The following FNDC3A variants were observed in gnomAD, a reference collection of about 807,000 sequenced individuals.
FNDC3A encodes fibronectin type III domain containing 3A.
In FNDC3A, 32 loss-of-function variants were observed where a neutral mutation model predicts 148.9. The ratio of observed to expected loss-of-function variants is 0.21; its 90% CI spans 0.16 to 0.29. The LOEUF (loss-of-function observed/expected upper bound fraction) is 0.29. Ranked by LOEUF, FNDC3A falls within the 10% of genes least tolerant of loss-of-function variation. The pLI is 1.00. For synonymous variants in FNDC3A, 472 were observed against 473.6 expected (o/e 1.00, Z 0.04); for missense variants, 1,191 against 1,452.8 (o/e 0.82, Z 2.93).
rs2138095931 is a variant in FNDC3A, at chr13:49,187,330, T to G, written c.1825+140T>G. The G allele has an allele frequency of 3.0e-5, 26 of 865,734 alleles. 1 individual carries two copies. In the South Asian group the frequency reaches 4.1e-4, roughly 14 times the overall value. 53.6% of individuals were successfully genotyped at this position (865,734 alleles called of 1,614,324 possible). A position where few individuals can be genotyped will look rare whatever the true frequency, so the allele number is the denominator to read the frequency against. ...CCATAAAAAGATGTTCACTTCACTT[T>G]GGGTTGTCCTGGATTTTTTTTTTTT... On this transcript the variant is annotated intron_variant, in intron 16 of 25. Coordinates refer to ENST00000492622, the MANE Select transcript of FNDC3A (RefSeq NM_001079673.2).
At chr13:49,016,674 A>G (rs1011340514) in intron 2 of FNDC3A, among the ~76,000 whole-genome samples, 26 of 151,854 alleles carry the variant, frequency 1.7e-4, no homozygotes, top group Non-Finnish European at 2.8e-4. Flanking sequence ...TGCTTTTCTA[A>G]TTCTTTTAAT....
In FNDC3A at chr13:49,095,748, A is replaced by G. The variant is rs1375697158; in HGVS notation, c.176-18907A>G. On this transcript the variant is annotated intron_variant, in intron 3 of 25. Transcript: ENST00000492622. The stretch of plus-strand genomic sequence containing the variant: ...TTTTTGATTCAGGGAAGTACTAATT[A>G]AGCATTCTAACCCAGGGGCAAACCT... Among the ~76,000 whole-genome samples, 6 of 152,062 alleles carry G rather than the reference A, an allele frequency of 3.9e-5. No homozygotes were observed. In the East Asian group the frequency reaches 1.2e-3, roughly 29 times the overall value.
chr13:49,187,132 A>G lies in FNDC3A; in HGVS notation c.1767A>G (p.Lys589=). 6.2e-7 allele frequency: 1 copy of G among 1,612,496 alleles called. No individual in the cohort carries two copies. Among genetic ancestry groups the G allele is most frequent in the Non-Finnish European group, 8.5e-7 (1 of 1,178,822 alleles). Residue 589 remains lysine (K), a synonymous_variant, in exon 16 of 26, where the codon AAA becomes AAG. Transcript: ENST00000492622. ...TGCTTCTTTGGATAGATCCACCAAA[A>G]GACAATGGCGGAGCAACCATCAATA... ...HSFKITWDPP[K]DNGGATINKY...
intron 4 of FNDC3A, among the ~76,000 whole-genome samples, chr13:49,116,339 C>T (rs1880955574): frequency 6.6e-6 from 1 of 152,126 alleles, no homozygotes. Context: ...TGAATTCTTA[C>T]AGTTCCTATG....
chr13:49,116,045 C>T (rs746400370), intron 4 of FNDC3A, among the ~76,000 whole-genome samples: 28 of 152,204 alleles, frequency 1.8e-4, no homozygotes, highest in Non-Finnish European at 4.0e-4. Context: ...AGTGGCACCA[C>T]GTACTGAGCT....
chr13:49,001,835 C>T (rs1952130808), intron 1 of FNDC3A, among the ~76,000 whole-genome samples: 1 of 152,174 alleles, frequency 6.6e-6, no homozygotes, highest in Non-Finnish European at 1.5e-5. Flanking sequence ...AATTTCGCCC[C>T]AGTCCTGTGG....
chr13:49,151,788 A>C (rs139259055), intron 8 of FNDC3A, among the ~76,000 whole-genome samples: 6 of 152,142 alleles, frequency 3.9e-5, no homozygotes, highest in African/African-American at 1.4e-4. Flanking sequence ...TCCAAGTGTT[A>C]TCATTGTTCA....
intron 8 of FNDC3A, among the ~76,000 whole-genome samples, chr13:49,163,848 A>C (rs1884308374): frequency 6.6e-6 from 1 of 152,110 alleles, no homozygotes; most frequent in Non-Finnish European, 1.5e-5. Flanking sequence ...TCATTTTATT[A>C]ATTGATATCT....
At chr13:49,020,330 A>T (rs1873226502) in intron 2 of FNDC3A, among the ~76,000 whole-genome samples, 1 of 152,214 alleles carries the variant, frequency 6.6e-6, no homozygotes, top group South Asian at 2.1e-4. Flanking sequence ...AAGTCATAGA[A>T]CAAAACTAAG....
At chr13:49,022,980 A>G (rs1873440065) in intron 2 of FNDC3A, among the ~76,000 whole-genome samples, 1 of 152,110 alleles carries the variant, frequency 6.6e-6, no homozygotes, top group South Asian at 2.1e-4. Flanking sequence ...ATTTTAAAAA[A>G]TTTATGATAA....
intron 5 of FNDC3A, among the ~76,000 whole-genome samples, 194 bp from the exon 6 acceptor site, chr13:49,136,138 T>C (rs924762129): frequency 1.3e-5 from 2 of 152,188 alleles, no homozygotes; most frequent in Non-Finnish European, 2.9e-5. Flanking sequence ...GAGAGAGATA[T>C]ATATAATTAG....
At chr13:49,078,397 G>T (rs867625423) in intron 3 of FNDC3A, among the ~76,000 whole-genome samples, 1 of 152,140 alleles carries the variant, frequency 6.6e-6, no homozygotes, top group African/African-American at 2.4e-5. Context: ...ATATTTTTAG[G>T]CAGGGACACA....
intron 3 of FNDC3A, among the ~76,000 whole-genome samples, chr13:49,104,664 T>C (rs559790709): frequency 6.6e-6 from 1 of 152,374 alleles, no homozygotes; most frequent in African/African-American, 2.4e-5. Context: ...GTAAGAATTT[T>C]AATTGCATTA....
At chr13:49,124,547 A>G (rs1881572681) in intron 4 of FNDC3A, among the ~76,000 whole-genome samples, 1 of 152,098 alleles carries the variant, frequency 6.6e-6, no homozygotes, top group African/African-American at 2.4e-5. Context: ...AAGATGATAC[A>G]TAGTCCACAT....
intron 2 of FNDC3A, among the ~76,000 whole-genome samples, chr13:49,059,927 C>T (rs1876543423): frequency 6.6e-6 from 1 of 152,146 alleles, no homozygotes; most frequent in Non-Finnish European, 1.5e-5. Context: ...TGCTCAACAT[C>T]ATTAGTCATT....
intron 2 of FNDC3A, among the ~76,000 whole-genome samples, chr13:49,074,382 C>T (rs948445583): frequency 6.6e-6 from 1 of 152,060 alleles, no homozygotes; most frequent in African/African-American, 2.4e-5. Flanking sequence ...AGTAGTAAAA[C>T]TCTTTTAAAA....
chr13:48,975,477 C>CT (rs1334108094), upstream of FNDC3A: 1 of 152,214 alleles, frequency 6.6e-6, no homozygotes, highest in African/African-American at 2.4e-5. Context: ...ATTTCAGAGG[C>CT]TTCCTAGTCC....
intron 1 of FNDC3A, among the ~76,000 whole-genome samples, chr13:49,004,418 A>G (rs1566184926): frequency 6.6e-6 from 1 of 152,076 alleles, no homozygotes; most frequent in Admixed American, 6.5e-5. Flanking sequence ...TAAAAATACT[A>G]AAATTAAAGA....
rs1000453268 is a variant in FNDC3A, at chr13:49,013,059, T to A, written c.99+6770T>A. Among the ~76,000 whole-genome samples the A allele has an allele frequency of 2.6e-5, 4 of 152,266 alleles. No homozygotes were observed. In the South Asian group the frequency reaches 6.2e-4, roughly 24 times the overall value. ...AGCCAGGTGCAGTGGCTGACGCCAG[T>A]AATCCCAGCATTTTGGGAGGCTGAG... On this transcript the variant is annotated intron_variant, in intron 2 of 25. Coordinates refer to ENST00000492622, the MANE Select transcript of FNDC3A (RefSeq NM_001079673.2).
Sources: allele counts gnomAD v4.1 joint callset (sites outside exome capture counted in the v4.1 genomes callset), GRCh38; gene constraint gnomAD v4.1.1; transcripts MANE v1.5; gene names NCBI Gene and HGNC (gene_info 2026-07-23, HGNC 2026-07-21).